The following CADM2 variants were observed in gnomAD, a reference collection of about 807,000 sequenced individuals.
The protein encoded by CADM2 is immunoglobulin superfamily member 4D.
Under a neutral mutation model 49.8 loss-of-function variants are expected in CADM2, and 12 were observed. The observed-to-expected ratio is 0.24, with a 90% CI of 0.15 to 0.39. CADM2 has a LOEUF of 0.39. Ranked by LOEUF, CADM2 falls within the 10% of genes least tolerant of loss-of-function variation. CADM2 has a pLI of 1.00. For missense variants in CADM2, 378 were observed against 492.3 expected, an observed-to-expected ratio of 0.77 and a Z score of 2.20; for synonymous variants, 214 against 175.4, an observed-to-expected ratio of 1.22 and a Z score of -1.74.
chr3:85,749,423 A>G (rs1388552435), intron 2 of CADM2, among the ~76,000 whole-genome samples: 2 of 152,032 alleles, frequency 1.3e-5, no homozygotes, highest in Non-Finnish European at 2.9e-5. Flanking sequence ...CTTTCACAGC[A>G]TAACCCATTT....
At chr3:85,634,220 C>T (rs1273593793) in intron 1 of CADM2, among the ~76,000 whole-genome samples, 2 of 151,944 alleles carry the variant, frequency 1.3e-5, no homozygotes, top group East Asian at 1.9e-4. Context: ...ACATATGCTA[C>T]TACTCTTCCA....
chr3:85,319,941 C>A (rs2107096943), intron 1 of CADM2, among the ~76,000 whole-genome samples: 1 of 152,244 alleles, frequency 6.6e-6, no homozygotes, highest in East Asian at 1.9e-4. Context: ...TTTAAAAAAT[C>A]ATTTATTCTT....
At chr3:85,101,711 G>C (rs879367429) in intron 1 of CADM2, among the ~76,000 whole-genome samples, 18 of 152,160 alleles carry the variant, frequency 1.2e-4, no homozygotes, top group Non-Finnish European at 1.5e-4. Context: ...TGTATTTGGG[G>C]TTAATGAACA....
At chr3:85,466,228 G>A (rs6771971) in intron 1 of CADM2, among the ~76,000 whole-genome samples, 158 of 152,196 alleles carry the variant, frequency 1.0e-3, no homozygotes, top group African/African-American at 3.7e-3. Context: ...AAAGCTGACA[G>A]CATATATTAA....
intron 1 of CADM2, among the ~76,000 whole-genome samples, chr3:85,169,418 A>G (rs1454221969): frequency 3.3e-5 from 5 of 152,192 alleles, no homozygotes; most frequent in Admixed American, 1.3e-4. Flanking sequence ...CTTCTAGTAA[A>G]TTAAATGTAT....
intron 1 of CADM2, among the ~76,000 whole-genome samples, chr3:85,226,566 C>A (rs1483314920): frequency 6.6e-6 from 1 of 151,960 alleles, no homozygotes; most frequent in Non-Finnish European, 1.5e-5. Context: ...TTTCCAAAAA[C>A]CAGCTCCTGC....
At chr3:85,585,823 C>T (rs944654847) in intron 1 of CADM2, among the ~76,000 whole-genome samples, 2 of 151,826 alleles carry the variant, frequency 1.3e-5, no homozygotes, top group Non-Finnish European at 2.9e-5. Flanking sequence ...CCAGCTGAGC[C>T]CTATGATCTT....
chr3:85,359,666 A>ATATATATATATATATATTTTT lies in CADM2; in HGVS notation c.62-366855_62-366854insATATATATATATATATTTTTT. 8.5e-3 allele frequency among the ~76,000 whole-genome samples: 224 copies of ATATATATATATATATATTTTT among 26,470 alleles called. 21 individuals carry two copies. Among genetic ancestry groups the ATATATATATATATATATTTTT allele is most frequent in the Non-Finnish European group, 0.013 (164 of 12,262 alleles). The allele number at this position is 26,470 out of a possible 152,430, so 17.4% of individuals were successfully genotyped here. The stretch of plus-strand genomic sequence containing the variant: ...TATATATATATATATATATATATAT[A>ATATATATATATATATATTTTT]TTTTTTTTTTTGGTGGAGGGGAGAA... On this transcript the variant is annotated intron_variant, in intron 1 of 9. Transcript: ENST00000383699.
chr3:84,983,709 C>T (rs1471277664), intron 1 of CADM2, among the ~76,000 whole-genome samples: 1 of 152,074 alleles, frequency 6.6e-6, no homozygotes, highest in Non-Finnish European at 1.5e-5. Flanking sequence ...GGCATTTAAT[C>T]CATATTATTT....
chr3:85,525,354 C>A (rs1000846218), intron 1 of CADM2, among the ~76,000 whole-genome samples: 1 of 152,098 alleles, frequency 6.6e-6, no homozygotes, highest in Admixed American at 6.6e-5. Flanking sequence ...AAAGCCCATG[C>A]TATATTCAGA....
intron 1 of CADM2, among the ~76,000 whole-genome samples, chr3:85,260,184 A>G (rs2042983611): frequency 6.6e-6 from 1 of 152,138 alleles, no homozygotes; most frequent in South Asian, 2.1e-4. Context: ...TGGCATGAAT[A>G]TATGTGATTA....
intron 1 of CADM2, 43 bp downstream of exon 1, chr3:84,959,711 T>C: frequency 1.3e-6 from 2 of 1,484,090 alleles, no homozygotes; most frequent in African/African-American, 2.8e-5. Flanking sequence ...TTCTCGCCCA[T>C]TCCCCATCTT....
chr3:85,896,484 T>A (rs950896238), intron 5 of CADM2, among the ~76,000 whole-genome samples: 3 of 152,188 alleles, frequency 2.0e-5, no homozygotes, highest in Non-Finnish European at 4.4e-5. Flanking sequence ...TACAGTATGC[T>A]TCAAACAAAA....
At position 85,586,552 on chromosome 3, in the gene CADM2, A is replaced by G. The variant is rs137962058; in HGVS notation, c.62-139970A>G. Among the ~76,000 whole-genome samples, 316 of 152,254 alleles carry G rather than the reference A, an allele frequency of 2.1e-3. 2 individuals carry two copies. Among genetic ancestry groups the G allele is most frequent in the African/African-American group, 7.3e-3 (304 of 41,570 alleles). On this transcript the variant is annotated intron_variant, in intron 1 of 9. Transcript: ENST00000383699. Reference sequence around the variant, plus strand: ...GATTTGTAAAATAAATACAGTTACAAATATTTCCATTTTGCAGTAGAATTA... The same window carrying G: ...GATTTGTAAAATAAATACAGTTACAGATATTTCCATTTTGCAGTAGAATTA...
intron 1 of CADM2, among the ~76,000 whole-genome samples, chr3:85,563,717 G>A (rs1220804858): frequency 6.6e-6 from 1 of 152,094 alleles, no homozygotes; most frequent in African/African-American, 2.4e-5. Context: ...TTGCGAAAAT[G>A]TTAGGGTCTT....
intron 3 of CADM2, among the ~76,000 whole-genome samples, chr3:85,871,114 G>A (rs1476172364): frequency 6.6e-6 from 1 of 152,128 alleles, no homozygotes; most frequent in Non-Finnish European, 1.5e-5. Context: ...CCTACAGAAT[G>A]GGATAAAATG....
rs2108553053 is a variant in CADM2, at chr3:85,940,952, C to T, written c.791+5095C>T. Among the ~76,000 whole-genome samples the T allele has an allele frequency of 3.3e-5, 5 of 152,116 alleles. No homozygotes were observed. In the Middle Eastern group the frequency reaches 0.014, roughly 414 times the overall value. Reference sequence around the variant, plus strand: ...GTCCTCACCCACTGATAGCCTTCCTCAGTATTGACATGCTATACCAAAATG... The same window carrying T: ...GTCCTCACCCACTGATAGCCTTCCTTAGTATTGACATGCTATACCAAAATG... On this transcript the variant is annotated intron_variant, in intron 7 of 9. Transcript: ENST00000383699.
At chr3:85,417,320 C>T (rs2035961567) in intron 1 of CADM2, among the ~76,000 whole-genome samples, 2 of 152,116 alleles carry the variant, frequency 1.3e-5, no homozygotes, top group African/African-American at 4.8e-5. Context: ...CATTTATACT[C>T]CAGTTTCTAT....
At chr3:84,983,550 A>T (rs1286505626) in intron 1 of CADM2, among the ~76,000 whole-genome samples, 1 of 152,110 alleles carries the variant, frequency 6.6e-6, no homozygotes, top group Non-Finnish European at 1.5e-5. Context: ...TTTTCTGTTC[A>T]AAGTTCTTAG....
Sources: allele counts gnomAD v4.1 joint callset (sites outside exome capture counted in the v4.1 genomes callset), GRCh38; gene constraint gnomAD v4.1.1; transcripts MANE v1.5; gene names NCBI Gene and HGNC (gene_info 2026-07-23, HGNC 2026-07-21).